The following CNBD1 variants were observed in gnomAD, a reference collection of about 807,000 sequenced individuals.
CNBD1 encodes cyclic nucleotide-binding domain-containing protein 1.
Under a neutral mutation model 54.4 loss-of-function variants are expected in CNBD1, and 71 were observed. That is an observed-to-expected ratio of 1.30 (90% CI 1.08 to 1.59). The LOEUF (loss-of-function observed/expected upper bound fraction) is 1.59, where lower values mean the gene tolerates loss of function less well. Among genes scored for constraint, CNBD1 ranks in the 40% most tolerant of loss-of-function variants. CNBD1 has a pLI of 0.00. For missense variants in CNBD1, 659 were observed against 518.0 expected (o/e 1.27, Z -2.64); for synonymous variants, 182 against 170.7 (o/e 1.07, Z -0.51).
chr8:86,924,166 T>C (rs1809320790), intron 3 of CNBD1, among the ~76,000 whole-genome samples: 2 of 152,174 alleles, frequency 1.3e-5, no homozygotes, highest in Non-Finnish European at 2.9e-5. Flanking sequence ...GGGACTAAAA[T>C]CTACTTGAGA....
intron 4 of CNBD1, among the ~76,000 whole-genome samples, chr8:87,144,285 G>A (rs1225166667): frequency 6.6e-6 from 1 of 152,122 alleles, no homozygotes; most frequent in Non-Finnish European, 1.5e-5. Context: ...CAATCTCACA[G>A]ATTATATTTT....
intron 4 of CNBD1, among the ~76,000 whole-genome samples, chr8:87,084,004 A>C (rs547443180): frequency 6.6e-6 from 1 of 152,300 alleles, no homozygotes; most frequent in African/African-American, 2.4e-5. Context: ...CCTGAGGGCT[A>C]TGTCATGGCC....
intron 3 of CNBD1, among the ~76,000 whole-genome samples, chr8:86,913,170 A>T (rs918137543): frequency 2.0e-5 from 3 of 152,188 alleles, no homozygotes; most frequent in Non-Finnish European, 4.4e-5. Context: ...AAATAAATCT[A>T]GTGTAGCCTA....
At chr8:87,356,745 G>T (rs1810427217) in intron 10 of CNBD1, among the ~76,000 whole-genome samples, 1 of 152,156 alleles carries the variant, frequency 6.6e-6, no homozygotes, top group Admixed American at 6.6e-5. Context: ...ATGCACTGTG[G>T]AGCAACAACT....
chr8:87,405,112 T>C (rs996138424), intron 2 of CNBD1, among the ~76,000 whole-genome samples: 3 of 152,038 alleles, frequency 2.0e-5, no homozygotes, highest in Non-Finnish European at 4.4e-5. Flanking sequence ...CTGTCGAAAG[T>C]TGTACTTGCA....
chr8:86,910,882 G>T (rs569178209), intron 3 of CNBD1, among the ~76,000 whole-genome samples: 1 of 152,188 alleles, frequency 6.6e-6, no homozygotes, highest in Admixed American at 6.5e-5. Context: ...GTGAAGTGCA[G>T]GAGGTTTTAT....
At chr8:86,966,683 C>T (rs1369334683) in intron 4 of CNBD1, among the ~76,000 whole-genome samples, 1 of 152,098 alleles carries the variant, frequency 6.6e-6, no homozygotes, top group Non-Finnish European at 1.5e-5. Context: ...TTGTTAGTTC[C>T]TCCGGATAGG....
At chr8:86,919,319 T>C (rs1809236319) in intron 3 of CNBD1, among the ~76,000 whole-genome samples, 1 of 152,150 alleles carries the variant, frequency 6.6e-6, no homozygotes, top group Non-Finnish European at 1.5e-5. Context: ...GAATGATTCA[T>C]GAATCAGGCA....
chr8:87,378,624 C>A (rs946648015), intron 10 of CNBD1, among the ~76,000 whole-genome samples: 3 of 148,278 alleles, frequency 2.0e-5, no homozygotes, highest in Admixed American at 2.0e-4. Context: ...TTAGGATTGA[C>A]TTGGCTCTGC....
intron 4 of CNBD1, among the ~76,000 whole-genome samples, chr8:87,192,537 T>C (rs1390216427): frequency 6.6e-6 from 1 of 152,194 alleles, no homozygotes; most frequent in Admixed American, 6.5e-5. Flanking sequence ...CTTGGGCAAG[T>C]TACTCAGCAT....
At chr8:86,934,066 C>G (rs933172217) in intron 3 of CNBD1, among the ~76,000 whole-genome samples, 8 of 152,072 alleles carry the variant, frequency 5.3e-5, no homozygotes, top group Non-Finnish European at 1.0e-4. Context: ...CAGGAGAATG[C>G]CTGATACCTT....
chr8:86,989,026 T>C (rs1273110763), intron 4 of CNBD1, among the ~76,000 whole-genome samples: 6 of 151,974 alleles, frequency 3.9e-5, no homozygotes, highest in Non-Finnish European at 8.8e-5. Flanking sequence ...CCCCAGCACT[T>C]TGGGAGGCTA....
At position 87,353,519 on chromosome 8, in the gene CNBD1, A is replaced by C. The variant is rs145152627; in HGVS notation, c.1153-117A>C. 8.2e-3 allele frequency: 5,267 copies of C among 643,238 alleles called. 46 individuals carry two copies. Among genetic ancestry groups the C allele is most frequent in the Middle Eastern group, 0.024 (53 of 2,246 alleles). 39.8% of individuals were successfully genotyped at this position (643,238 alleles called of 1,614,324 possible). ...TTCTGTAATTTAAATACAATTGCTA[A>C]TTTATTTTAAATATCATTTAGTAAA... On this transcript the variant is annotated intron_variant, in intron 9 of 10. Transcript: ENST00000518476.
intron 6 of CNBD1, among the ~76,000 whole-genome samples, chr8:87,253,440 C>T (rs1209099614): frequency 6.6e-6 from 1 of 152,144 alleles, no homozygotes; most frequent in African/African-American, 2.4e-5. Context: ...CCCTCTGGGT[C>T]GTGAGGTCTA....
chr8:87,253,845 T>G (rs1346634318), intron 6 of CNBD1, among the ~76,000 whole-genome samples: 1 of 151,882 alleles, frequency 6.6e-6, no homozygotes, highest in Non-Finnish European at 1.5e-5. Flanking sequence ...AACTAAATAG[T>G]CATGAGGATT....
intron 2 of CNBD1, among the ~76,000 whole-genome samples, chr8:87,419,284 T>C (rs895826662): frequency 1.3e-5 from 2 of 151,840 alleles, no homozygotes; most frequent in Non-Finnish European, 2.9e-5. Context: ...AGATTAGTGT[T>C]TGCTAGGATC....
At chr8:87,095,116 G>A (rs1811291487) in intron 4 of CNBD1, among the ~76,000 whole-genome samples, 1 of 152,180 alleles carries the variant, frequency 6.6e-6, no homozygotes, top group Non-Finnish European at 1.5e-5. Flanking sequence ...ACAATAGCAT[G>A]GCCTCTTCAC....
intron 4 of CNBD1, among the ~76,000 whole-genome samples, chr8:87,080,248 C>G (rs1325227065): frequency 1.3e-5 from 2 of 152,182 alleles, no homozygotes; most frequent in South Asian, 2.1e-4. Flanking sequence ...TGTTCTTTTT[C>G]AAAATTACTT....
At chr8:87,258,418 T>C (rs1006549516) in intron 6 of CNBD1, among the ~76,000 whole-genome samples, 1 of 135,984 alleles carries the variant, frequency 7.4e-6, no homozygotes, top group Non-Finnish European at 1.6e-5. Flanking sequence ...ATTTTTCTTT[T>C]TTTTATTTCT....
Sources: gnomAD v4.1 joint callset for allele counts (sites outside exome capture counted in the v4.1 genomes callset) on GRCh38, gnomAD v4.1.1 for gene constraint, MANE v1.5 for transcripts, NCBI Gene and HGNC (gene_info 2026-07-23, HGNC 2026-07-21) for gene names.